Variants in TULP4 observed in about 807,000 individuals in gnomAD.
TULP4 encodes TUB like protein 4.
Under a neutral mutation model 129.0 loss-of-function variants are expected in TULP4, and 16 were observed. That is an observed-to-expected ratio of 0.12 (90% CI 0.08 to 0.19). TULP4 has a LOEUF of 0.19. Among genes scored for constraint, TULP4 ranks in the 10% least tolerant of loss-of-function variants. The pLI is 1.00. For missense variants in TULP4, 1,842 were observed against 2,059.1 expected, an observed-to-expected ratio of 0.89 and a Z score of 2.04; for synonymous variants, 998 against 854.0, an observed-to-expected ratio of 1.17 and a Z score of -2.94.
In TULP4 at chr6:158,235,012, C is replaced by G. The variant is rs374084607; in HGVS notation, n.68+2709C>G. ...TGAAACCCTGTCTCTACTAAAAATACAAAAATTAACCAGTTGCTGTGGCAC... is the reference window on the plus strand; with the variant it reads ...TGAAACCCTGTCTCTACTAAAAATAGAAAAATTAACCAGTTGCTGTGGCAC... On this transcript the variant is annotated intron_variant and non_coding_transcript_variant, in intron 1 of 1. Transcript: ENST00000620026. Among the ~76,000 whole-genome samples the G allele has an allele frequency of 8.6e-5, 13 of 152,020 alleles. 1 individual carries two copies. The East Asian group carries it at 2.1e-3, about 25-fold the overall frequency.
intron 2 of TULP4, among the ~76,000 whole-genome samples, chr6:158,422,821 T>C (rs1410089895): frequency 6.6e-6 from 1 of 152,184 alleles, no homozygotes; most frequent in Non-Finnish European, 1.5e-5. Flanking sequence ...CCCCAGCCTT[T>C]AAATATGCAA....
chr6:158,385,197 G>A (rs1332254883), intron 1 of TULP4, among the ~76,000 whole-genome samples: 2 of 152,108 alleles, frequency 1.3e-5, no homozygotes, highest in Non-Finnish European at 2.9e-5. Flanking sequence ...CACACTCACC[G>A]AAAGTACCAT....
At chr6:158,343,730 G>A (rs528441864) in intron 1 of TULP4, among the ~76,000 whole-genome samples, 1 of 152,306 alleles carries the variant, frequency 6.6e-6, no homozygotes, top group East Asian at 1.9e-4. Context: ...TGCTATAGCA[G>A]CCTGAACTAA....
At chr6:158,310,317 CT>C (rs34198459), upstream of TULP4, 514 of 104,258 alleles carry the variant, frequency 4.9e-3, 4 homozygotes, top group African/African-American at 0.014. Flanking sequence ...AGGTGCTACA[CT>C]TTTTTTTTTT....
At chr6:158,422,110 TAAG>T (rs1364423869) in intron 2 of TULP4, among the ~76,000 whole-genome samples, 1 of 151,864 alleles carries the variant, frequency 6.6e-6, no homozygotes, top group African/African-American at 2.4e-5. Flanking sequence ...AAAGAAAAAG[TAAG>T]AAATAATAAA....
chr6:158,295,067 T>C (rs890580594), intron 1 of TULP4, among the ~76,000 whole-genome samples: 1 of 152,180 alleles, frequency 6.6e-6, no homozygotes, highest in African/African-American at 2.4e-5. Context: ...GCTGAAACAT[T>C]AGGGTGTTTG....
intron 1 of TULP4, among the ~76,000 whole-genome samples, chr6:158,261,820 A>T (rs986146748): frequency 1.3e-5 from 2 of 152,072 alleles, no homozygotes; most frequent in African/African-American, 4.8e-5. Flanking sequence ...AGTTCCTCAC[A>T]GTGTATGATG....
rs188275597 is a variant in TULP4 at position 158,397,370 on chromosome 6, G to A, written c.253-15695G>A. On this transcript the variant is annotated intron_variant, in intron 1 of 13. Coordinates refer to ENST00000367097, the MANE Select transcript of TULP4 (RefSeq NM_020245.5). The stretch of plus-strand genomic sequence containing the variant: ...ATTGGCCTTGTCCAATAGAGTATGC[G>A]TGGAGACCTTGTAAATCTCTGCCTG... 7.9e-5 allele frequency among the ~76,000 whole-genome samples: 12 copies of A among 152,278 alleles called. No individual in the cohort carries two copies. The South Asian group carries it at 2.1e-3, about 26-fold the overall frequency.
Position 158,415,220 on chromosome 6 carries a change from CCTA to C in TULP4, c.381+2030_381+2032del, listed in dbSNP as rs1218989735. 2.0e-5 allele frequency among the ~76,000 whole-genome samples: 3 copies of C among 152,158 alleles called. 1 individual carries two copies. The highest frequency in any genetic ancestry group is 1.3e-4 in the Admixed American group (2 of 15,274). On this transcript the variant is annotated intron_variant, in intron 2 of 13. Coordinates refer to ENST00000367097, the MANE Select transcript of TULP4 (RefSeq NM_020245.5). ...TTGTGGTGTTACTGGTGTGAACAAA[CCTA>C]CTGTGATGCCAGCTGTATAAAAGTA...
chr6:158,491,753 G>A (rs1780216224), intron 9 of TULP4, among the ~76,000 whole-genome samples: 1 of 151,298 alleles, frequency 6.6e-6, no homozygotes, highest in African/African-American at 2.4e-5. Flanking sequence ...GGCCTCCCAA[G>A]GTGCTGGGAT....
At chr6:158,251,965 A>G (rs1778148663) in intron 1 of TULP4, among the ~76,000 whole-genome samples, 2 of 152,242 alleles carry the variant, frequency 1.3e-5, no homozygotes, top group Admixed American at 6.5e-5. Flanking sequence ...TTGAAGCTCC[A>G]CTTTCTCTAG....
At chr6:158,498,625 T>G (rs760105845) in intron 11 of TULP4, 44 bp from the exon 12 acceptor site, 1 of 1,613,110 alleles carries the variant, frequency 6.2e-7, no homozygotes, top group South Asian at 1.1e-5. Flanking sequence ...TTGGCTCTGC[T>G]CTGGTGTGTC....
At chr6:158,483,734 C>T (rs528230634) in intron 8 of TULP4, among the ~76,000 whole-genome samples, 11 of 152,242 alleles carry the variant, frequency 7.2e-5, no homozygotes, top group South Asian at 4.1e-4. Flanking sequence ...TTTAAATACA[C>T]GTTCCTAGGC....
chr6:158,395,675 G>GGGGGGT (rs374125332), intron 1 of TULP4, among the ~76,000 whole-genome samples: 1 of 88,076 alleles, frequency 1.1e-5, no homozygotes, highest in Non-Finnish European at 2.2e-5. Context: ...GGGCGGGGGG[G>GGGGGGT]GGGTCATGGC....
At chr6:158,281,174 G>A (rs1221415223), upstream of TULP4, among the ~76,000 whole-genome samples, 1 of 150,706 alleles carries the variant, frequency 6.6e-6, no homozygotes, top group African/African-American at 2.5e-5. Flanking sequence ...TCTCAGCGAG[G>A]TAATTCAGAC....
At chr6:158,307,842 A>C (rs1779244009), upstream of TULP4, among the ~76,000 whole-genome samples, 1 of 152,146 alleles carries the variant, frequency 6.6e-6, no homozygotes, top group African/African-American at 2.4e-5. Flanking sequence ...GAGTCTTCCA[A>C]ATATTGATAT....
chr6:158,264,165 G>T (rs550134894), intron 1 of TULP4, among the ~76,000 whole-genome samples: 1 of 152,228 alleles, frequency 6.6e-6, no homozygotes, highest in African/African-American at 2.4e-5. Context: ...TATGCAGCCT[G>T]TGGGGTTGGG....
intron 1 of TULP4, among the ~76,000 whole-genome samples, chr6:158,287,276 C>A (rs776378830): frequency 1.3e-5 from 2 of 151,982 alleles, no homozygotes; most frequent in East Asian, 1.9e-4. Context: ...TTATTTCTGT[C>A]GTGGCAGTAA....
chr6:158,291,573 AT>A lies in TULP4; in HGVS notation n.116+9204del, dbSNP rs370599079. Among the ~76,000 whole-genome samples, 122 of 149,540 alleles carry A rather than the reference AT, an allele frequency of 8.2e-4. No individual in the cohort carries two copies. The East Asian group carries it at 0.01, about 13-fold the overall frequency. ...ATTGTGCTGCTTCTTGTGTCTGTGC[AT>A]TTTTTTTTATCAGTTTTGGCAAATT... On this transcript the variant is annotated intron_variant and non_coding_transcript_variant, in intron 1 of 1. Transcript: ENST00000432358.
Sources: allele counts gnomAD v4.1 joint callset (sites outside exome capture counted in the v4.1 genomes callset), GRCh38; gene constraint gnomAD v4.1.1; transcripts MANE v1.5; gene names NCBI Gene and HGNC (gene_info 2026-07-23, HGNC 2026-07-21).